RPS6KA3: variants seen among roughly 807,000 people sequenced by gnomAD.
RPS6KA3 encodes the protein ribosomal protein S6 kinase A3.
RPS6KA3 carries 4 observed loss-of-function variants against 67.2 expected under a neutral mutation model. That is an observed-to-expected ratio of 0.06 (90% CI 0.03 to 0.14). The LOEUF (loss-of-function observed/expected upper bound fraction) is 0.14. Among genes scored for constraint, RPS6KA3 ranks in the 10% least tolerant of loss-of-function variants. The pLI is 1.00. For missense variants in RPS6KA3, 204 were observed against 559.0 expected (o/e 0.36, Z 6.40); for synonymous variants, 182 against 183.7 (o/e 0.99, Z 0.07).
At position 20,266,846 on chromosome X, in the gene RPS6KA3, G is replaced by C; in HGVS notation, c.-214C>G. On this transcript the variant is annotated 5_prime_UTR_variant, in exon 1 of 22. Coordinates refer to ENST00000379565, the MANE Select transcript of RPS6KA3 (RefSeq NM_004586.3). ...CGCCCGAAAGCCGCGCGCCTGGCCA[G>C]AGACGCCCGCGCGCTGAGCGAGAGC... The C allele has an allele frequency of 2.4e-6, 1 of 408,962 alleles. No homozygotes were observed. Among genetic ancestry groups the C allele is most frequent in the Non-Finnish European group, 3.1e-6 (1 of 323,359 alleles). The allele number at this position is 408,962 out of a possible 1,213,427, so 33.7% of individuals were successfully genotyped here.
chrX:20,262,281 T>C (rs1437905559), intron 1 of RPS6KA3, among the ~76,000 whole-genome samples: 3 of 111,964 alleles, frequency 2.7e-5, no homozygotes, highest in Non-Finnish European at 1.9e-5. Flanking sequence ...TTAAAAACTT[T>C]AGGACAATTG....
chrX:20,161,869 A>C (rs1569190702), intron 19 of RPS6KA3, 108 bp from the exon 20 acceptor site: 1 of 194,259 alleles, frequency 5.1e-6, no homozygotes, highest in East Asian at 1.4e-4. Context: ...AAATCTACCA[A>C]AGTGAAAAAA....
intron 1 of RPS6KA3, among the ~76,000 whole-genome samples, chrX:20,260,232 G>A (rs185742266): frequency 5.3e-4 from 59 of 111,388 alleles, no homozygotes; most frequent in African/African-American, 1.7e-3. Flanking sequence ...TTTCTTCAGG[G>A]ACACATTATC....
At chrX:20,229,116 C>CT (rs369653821) in intron 2 of RPS6KA3, among the ~76,000 whole-genome samples, 44 of 103,345 alleles carry the variant, frequency 4.3e-4, no homozygotes, top group Middle Eastern at 5.1e-3. Flanking sequence ...AAGTAAGTGC[C>CT]TTTTTTTTTT....
At chrX:20,249,541 C>A (rs963266176) in intron 1 of RPS6KA3, among the ~76,000 whole-genome samples, 2 of 111,543 alleles carry the variant, frequency 1.8e-5, no homozygotes, top group African/African-American at 6.5e-5. Flanking sequence ...TTTTCACTTC[C>A]CTGATAGTTA....
intron 2 of RPS6KA3, among the ~76,000 whole-genome samples, chrX:20,222,624 C>T (rs1450661231): frequency 1.8e-5 from 2 of 111,916 alleles, no homozygotes; most frequent in African/African-American, 6.5e-5. Context: ...TTTATCTTCA[C>T]AGCAGCCAGA....
At chrX:20,264,712 T>G (rs188450688) in intron 1 of RPS6KA3, among the ~76,000 whole-genome samples, 2 of 112,102 alleles carry the variant, frequency 1.8e-5, no homozygotes, top group Non-Finnish European at 3.8e-5. Flanking sequence ...GGTGGAATTC[T>G]AAACGATATT....
intron 1 of RPS6KA3, among the ~76,000 whole-genome samples, chrX:20,235,778 T>TA (rs1373704572): frequency 2.7e-5 from 3 of 111,523 alleles, no homozygotes; most frequent in South Asian, 3.7e-4. Flanking sequence ...AAAACCAAAA[T>TA]ACCACACATA....
chrX:20,150,489 G>A lies in RPS6KA3; in HGVS notation c.*4909C>T, dbSNP rs921525653. On this transcript the variant is annotated 3_prime_UTR_variant, in exon 22 of 22. Transcript: ENST00000379565. ...CACCCATAATCAATAAGGATGCTAA[G>A]GAATGGCAATACCTTGAAGCTTTTT... is the stretch of plus-strand genomic sequence containing the variant. 8.9e-6 allele frequency: 1 copy of A among 112,376 alleles called. No homozygotes were observed. Among genetic ancestry groups the A allele is most frequent in the African/African-American group, 3.2e-5 (1 of 30,905 alleles). 9.3% of individuals were successfully genotyped at this position (112,376 alleles called of 1,213,427 possible).
intron 4 of RPS6KA3, among the ~76,000 whole-genome samples, 172 bp from the exon 5 acceptor site, chrX:20,195,317 A>G (rs911762614): frequency 8.9e-6 from 1 of 112,209 alleles, no homozygotes; most frequent in Non-Finnish European, 1.9e-5. Context: ...ACTACATTAC[A>G]TAACCAAAGG....
intron 2 of RPS6KA3, among the ~76,000 whole-genome samples, chrX:20,233,028 C>T (rs914360215): frequency 1.8e-5 from 2 of 111,051 alleles, no homozygotes; most frequent in Non-Finnish European, 1.9e-5. Flanking sequence ...CCCAGCTACT[C>T]GGGAGGCTGA....
At chrX:20,186,275 C>T (rs753927812) in intron 10 of RPS6KA3, 21 bp downstream of exon 10, 2 of 1,019,996 alleles carry the variant, frequency 2.0e-6, no homozygotes, top group Non-Finnish European at 2.8e-6. Context: ...ATCAAAACAT[C>T]TATATTAAGG....
At chrX:20,261,019 A>G (rs1002751759) in intron 1 of RPS6KA3, among the ~76,000 whole-genome samples, 2 of 111,857 alleles carry the variant, frequency 1.8e-5, no homozygotes, top group African/African-American at 6.5e-5. Flanking sequence ...CTAGTAACTA[A>G]TGTATTTGCT....
rs140681099 is a variant in RPS6KA3 at position 20,222,802 on chromosome X, A to G, written c.126+11956T>C. 9.6e-4 allele frequency among the ~76,000 whole-genome samples: 107 copies of G among 111,938 alleles called. 1 individual carries two copies. Among genetic ancestry groups the G allele is most frequent in the African/African-American group, 3.0e-3 (94 of 30,891 alleles). ...CTTAAAACAGAAAGCAGACTAATTT[A>G]TGCCCCTACCTCAAATTCTTCAATG... On this transcript the variant is annotated intron_variant, in intron 2 of 21. Transcript: ENST00000379565.
chrX:20,182,022 A>G (rs184674191), intron 10 of RPS6KA3, among the ~76,000 whole-genome samples: 2 of 111,937 alleles, frequency 1.8e-5, no homozygotes, highest in Admixed American at 1.9e-4. Flanking sequence ...TTCAGTGAAC[A>G]TTCATTTATG....
chrX:20,191,044 C>A (rs959719367), intron 7 of RPS6KA3, among the ~76,000 whole-genome samples: 1 of 110,296 alleles, frequency 9.1e-6, no homozygotes, highest in African/African-American at 3.3e-5. Flanking sequence ...TGACAGGCCC[C>A]GGTGTGTGGT....
rs1009690122 is a variant in RPS6KA3, at chrX:20,227,356, T to C, written c.126+7402A>G. Among the ~76,000 whole-genome samples the C allele has an allele frequency of 9.8e-5, 11 of 111,964 alleles. No homozygotes were observed. The Admixed American group carries it at 1.0e-3, about 11-fold the overall frequency. On this transcript the variant is annotated intron_variant, in intron 2 of 21. Transcript: ENST00000379565. ...TACTTAGTTAATAACCCTCTAGTGT[T>C]GGCAGAGCCCATTTTCCAGCGACTT...
chrX:20,245,761 C>A (rs1192170007), intron 1 of RPS6KA3, among the ~76,000 whole-genome samples: 2 of 111,148 alleles, frequency 1.8e-5, no homozygotes, highest in East Asian at 5.6e-4. Context: ...ATCAGAATTC[C>A]CAGAAGCCCC....
intron 15 of RPS6KA3, among the ~76,000 whole-genome samples, chrX:20,171,172 A>G (rs1683084744): frequency 8.9e-6 from 1 of 112,341 alleles, no homozygotes; most frequent in Non-Finnish European, 1.9e-5. Flanking sequence ...TCGACTATAT[A>G]TGCTATCAGT....
Sources: allele counts gnomAD v4.1 joint callset (sites outside exome capture counted in the v4.1 genomes callset), GRCh38; gene constraint gnomAD v4.1.1; transcripts MANE v1.5; gene names NCBI Gene and HGNC (gene_info 2026-07-23, HGNC 2026-07-21).